SCN2A: variants seen among roughly 807,000 people sequenced by gnomAD.
SCN2A encodes the protein sodium channel protein type 2 subunit alpha.
In SCN2A, 20 loss-of-function variants were observed where a neutral mutation model predicts 188.7. That is an observed-to-expected ratio of 0.11 (90% CI 0.07 to 0.15). The LOEUF (loss-of-function observed/expected upper bound fraction) is 0.15. Among genes scored for constraint, SCN2A ranks in the 10% least tolerant of loss-of-function variants. SCN2A has a pLI of 1.00. For missense variants in SCN2A, 1,278 were observed against 2,445.0 expected (o/e 0.52, Z 10.07); for synonymous variants, 804 against 833.1 (o/e 0.97, Z 0.60).
At chr2:165,328,862 T>C (rs1698508775) in intron 13 of SCN2A, among the ~76,000 whole-genome samples, 1 of 152,178 alleles carries the variant, frequency 6.6e-6, no homozygotes, top group African/African-American at 2.4e-5. Flanking sequence ...TTTAATCAGT[T>C]ATCTAGAATG....
intron 1 of SCN2A, among the ~76,000 whole-genome samples, chr2:165,254,423 T>C (rs922049923): frequency 5.9e-5 from 9 of 151,824 alleles, no homozygotes; most frequent in African/African-American, 2.2e-4. Flanking sequence ...AAAAGTTTAC[T>C]ATCAAATTTA....
chr2:165,281,536 A>G (rs1263733072), intron 1 of SCN2A, among the ~76,000 whole-genome samples: 2 of 151,978 alleles, frequency 1.3e-5, no homozygotes, highest in African/African-American at 4.8e-5. Context: ...AGGGCAGGAG[A>G]CGACATGAGA....
In SCN2A at chr2:165,376,721, T is replaced by C. The variant is rs141327419; in HGVS notation, c.4255-876T>C. 3.8e-3 allele frequency among the ~76,000 whole-genome samples: 576 copies of C among 152,188 alleles called. 3 individuals are homozygous for C. The highest frequency in any genetic ancestry group is 0.013 in the African/African-American group (554 of 41,540). ...AGGGGTGTGTGTGTGTGTGTGTATG[T>C]GTCCACACGCGTGTGTGTAGATAGA... On this transcript the variant is annotated intron_variant, in intron 22 of 26. Transcript: ENST00000375437.
chr2:165,331,196 C>G, intron 13 of SCN2A, 134 bp from the exon 14 acceptor site: 1 of 737,788 alleles, frequency 1.4e-6, no homozygotes, highest in Non-Finnish European at 2.4e-6. Context: ...TAAAATTTTC[C>G]CTGTTCCTCC....
intron 17 of SCN2A, among the ~76,000 whole-genome samples, chr2:165,362,817 T>C (rs1700532509): frequency 6.6e-6 from 1 of 152,114 alleles, no homozygotes; most frequent in African/African-American, 2.4e-5. Flanking sequence ...AGATGTGTGA[T>C]AAGCCATGAA....
chr2:165,310,694 CTT>C, intron 7 of SCN2A, 99 bp downstream of exon 7: 1 of 834,984 alleles, frequency 1.2e-6, no homozygotes, highest in Non-Finnish European at 1.8e-6. Context: ...AATCAAGTGA[CTT>C]AGACTAATTT....
chr2:165,376,699 GGTGT>G (rs59867116), intron 22 of SCN2A, among the ~76,000 whole-genome samples: 4 of 150,462 alleles, frequency 2.7e-5, no homozygotes, highest in African/African-American at 9.7e-5. Flanking sequence ...GTTGAAAAGG[GGTGT>G]GTGTGTGTGT....
At chr2:165,318,298 A>T (rs1697873905) in intron 11 of SCN2A, among the ~76,000 whole-genome samples, 1 of 152,190 alleles carries the variant, frequency 6.6e-6, no homozygotes, top group African/African-American at 2.4e-5. Flanking sequence ...AAGAGGGGAG[A>T]AGAAAGTCAA....
At chr2:165,378,196 A>T (rs1315963730) in intron 23 of SCN2A, among the ~76,000 whole-genome samples, 1 of 141,894 alleles carries the variant, frequency 7.0e-6, no homozygotes, top group Admixed American at 7.4e-5. Context: ...CTATTTAATG[A>T]GGAATGAAGT....
intron 1 of SCN2A, chr2:165,267,461 G>A (rs895615330): frequency 6.6e-5 from 10 of 151,992 alleles, no homozygotes; most frequent in Admixed American, 4.6e-4. Context: ...AATGAAATTG[G>A]ACCCTTATCT....
At position 165,323,488 on chromosome 2, in the gene SCN2A, G is replaced by T. The variant is rs758416376; in HGVS notation, c.2004G>T (p.Gln668His). 6.2e-7 allele frequency: 1 copy of T among 1,612,514 alleles called. No individual in the cohort carries two copies. The highest frequency in any genetic ancestry group is 1.1e-5 in the South Asian group (1 of 90,738). ...CTTCTACCCTCACATCTGCTGGGCA[G>T]CTCCTACCAGAGGTGAGGCCAATTA... ...GGPSTLTSAGQLLPEGTTTET... is the reference protein window; with the variant it reads ...GGPSTLTSAGHLLPEGTTTET... The change falls in exon 12 of 27, where the codon CAG becomes CAT. Residue 668 changes from glutamine (Q) to histidine (H), a missense_variant. Around this residue, in one of 17 missense-constraint regions of SCN2A, gnomAD observed 315 missense variants for 386.6 expected, o/e 0.81. Coordinates refer to ENST00000375437, the MANE Select transcript of SCN2A (RefSeq NM_001040142.2).
intron 26 of SCN2A, among the ~76,000 whole-genome samples, chr2:165,387,448 T>A (rs1701933674): frequency 6.6e-6 from 1 of 152,200 alleles, no homozygotes; most frequent in East Asian, 1.9e-4. Context: ...AGTGTATATG[T>A]GCAGTTATAT....
chr2:165,287,712 C>T (rs1484205686), intron 1 of SCN2A, among the ~76,000 whole-genome samples: 1 of 152,148 alleles, frequency 6.6e-6, no homozygotes, highest in African/African-American at 2.4e-5. Flanking sequence ...GCTCCCCTTG[C>T]CCACTGGGGA....
chr2:165,248,621 T>A (rs1693958321), intron 1 of SCN2A, among the ~76,000 whole-genome samples: 1 of 152,138 alleles, frequency 6.6e-6, no homozygotes, highest in African/African-American at 2.4e-5. Flanking sequence ...TTTGCTTTGT[T>A]CTTTTTTTCC....
Position 165,326,704 on chromosome 2 carries a change from G to T in SCN2A, c.2017-148G>T, listed in dbSNP as rs12993173. The T allele has an allele frequency of 0.55, 539,140 of 986,308 alleles. 151,165 individuals carry two copies. Among genetic ancestry groups the T allele is most frequent in the African/African-American group, 0.61 (37,273 of 61,458 alleles). 61.1% of individuals were successfully genotyped at this position (986,308 alleles called of 1,614,324 possible). A position where few individuals can be genotyped will look rare whatever the true frequency, so the allele number is the denominator to read the frequency against. ...GACAGACTTTTAAACAACCCCCAAA[G>T]AATTATCATTCCAACAATATCTTAG... On this transcript the variant is annotated intron_variant, in intron 12 of 26. Transcript: ENST00000375437.
In SCN2A at chr2:165,390,093, G is replaced by T; in HGVS notation, c.*269G>T. 2 of 403,112 alleles carry T rather than the reference G, an allele frequency of 5.0e-6. No individual in the cohort carries two copies. Among genetic ancestry groups the T allele is most frequent in the East Asian group, 4.4e-5 (1 of 22,524 alleles). 25.0% of individuals were successfully genotyped at this position (403,112 alleles called of 1,614,324 possible). On this transcript the variant is annotated 3_prime_UTR_variant, in exon 27 of 27. Coordinates refer to ENST00000375437, the MANE Select transcript of SCN2A (RefSeq NM_001040142.2). ...GCAGAGGCGTAATGGCTACTCAGACGATAGGAACCAATTTAAAGGGGGGAG... is the reference window on the plus strand; with the variant it reads ...GCAGAGGCGTAATGGCTACTCAGACTATAGGAACCAATTTAAAGGGGGGAG...
In SCN2A at chr2:165,390,095, T is replaced by C. The variant is rs1574755638; in HGVS notation, c.*271T>C. ...AGAGGCGTAATGGCTACTCAGACGA[T>C]AGGAACCAATTTAAAGGGGGGAGGG... On this transcript the variant is annotated 3_prime_UTR_variant, in exon 27 of 27. Coordinates refer to ENST00000375437, the MANE Select transcript of SCN2A (RefSeq NM_001040142.2). 1 of 397,884 alleles carries C rather than the reference T, an allele frequency of 2.5e-6. No individual in the cohort carries two copies. Among genetic ancestry groups the C allele is most frequent in the Admixed American group, 4.3e-5 (1 of 23,292 alleles). 24.6% of individuals were successfully genotyped at this position (397,884 alleles called of 1,614,324 possible). A position where few individuals can be genotyped will look rare whatever the true frequency, so the allele number is the denominator to read the frequency against.
At chr2:165,371,314 G>T (rs952045231) in intron 20 of SCN2A, 3 of 152,122 alleles carry the variant, frequency 2.0e-5, no homozygotes, top group Non-Finnish European at 2.9e-5. Flanking sequence ...ATATGAAACT[G>T]ATCAACACTT....
At chr2:165,284,266 G>A (rs1447790787) in intron 1 of SCN2A, among the ~76,000 whole-genome samples, 1 of 152,112 alleles carries the variant, frequency 6.6e-6, no homozygotes, top group Non-Finnish European at 1.5e-5. Context: ...CGCCTCCTGG[G>A]TTCATGCCAT....
Sources: gnomAD v4.1 joint callset for allele counts (sites outside exome capture counted in the v4.1 genomes callset) on GRCh38, gnomAD v4.1.1 for gene constraint, gnomAD v4.1.1 regional missense constraint, MANE v1.5 for transcripts, NCBI Gene and HGNC (gene_info 2026-07-23, HGNC 2026-07-21) for gene names.